Variants in ELMO1 observed in about 807,000 individuals in gnomAD.
ELMO1 encodes the protein engulfment and cell motility protein 1.
A neutral mutation model predicts 98.9 loss-of-function variants in ELMO1; 26 were observed. That is an observed-to-expected ratio of 0.26 (90% CI 0.19 to 0.36). The LOEUF (loss-of-function observed/expected upper bound fraction) is 0.36. Ranked by LOEUF, ELMO1 falls within the 10% of genes least tolerant of loss-of-function variation. The pLI, the probability that ELMO1 is intolerant of heterozygous loss-of-function variation, is 1.00. For synonymous variants in ELMO1, 346 were observed against 346.0 expected (o/e 1.00, Z 0.00); for missense variants, 627 against 935.2 (o/e 0.67, Z 4.30).
At chr7:37,324,616 C>A (rs1353234634) in intron 2 of ELMO1, among the ~76,000 whole-genome samples, 1 of 152,168 alleles carries the variant, frequency 6.6e-6, no homozygotes, top group East Asian at 1.9e-4. Context: ...GGGTCTCACT[C>A]CGTCACAAAG....
Position 37,361,582 on chromosome 7 carries a change from G to A in ELMO1, c.-73-18819C>T, listed in dbSNP as rs190079362. ...ACAGAAAATGTATACCAATCTCTAC[G>A]CTAAATAAAAGAAGTCAGTTATAAA... On this transcript the variant is annotated intron_variant, in intron 1 of 21. Transcript: ENST00000310758. 9.9e-5 allele frequency among the ~76,000 whole-genome samples: 15 copies of A among 152,220 alleles called. No homozygotes were observed. In the East Asian group the frequency reaches 1.4e-3, roughly 14 times the overall value.
At chr7:37,349,207 C>T (rs1272082283) in intron 1 of ELMO1, among the ~76,000 whole-genome samples, 1 of 152,176 alleles carries the variant, frequency 6.6e-6, no homozygotes, top group Non-Finnish European at 1.5e-5. Flanking sequence ...GTCCTCTGTC[C>T]CGCTAAGTCA....
At chr7:36,932,063 G>A (rs1229256393) in intron 16 of ELMO1, among the ~76,000 whole-genome samples, 2 of 150,462 alleles carry the variant, frequency 1.3e-5, no homozygotes, top group African/African-American at 4.9e-5. Context: ...GCTCTTTGGA[G>A]AGTTAACTTC....
chr7:37,041,982 T>A (rs1314894959), intron 15 of ELMO1, among the ~76,000 whole-genome samples: 1 of 152,088 alleles, frequency 6.6e-6, no homozygotes, highest in Admixed American at 6.5e-5. Flanking sequence ...GACAGCCCTA[T>A]TTTGTTAAAG....
intron 4 of ELMO1, among the ~76,000 whole-genome samples, chr7:37,306,176 T>C (rs1798605412): frequency 6.6e-6 from 1 of 152,234 alleles, no homozygotes; most frequent in African/African-American, 2.4e-5. Flanking sequence ...GCAAGGAGTA[T>C]GTCATTTCAT....
intron 1 of ELMO1, among the ~76,000 whole-genome samples, chr7:37,447,498 G>A (rs1017095862): frequency 1.3e-5 from 2 of 152,028 alleles, no homozygotes; most frequent in Non-Finnish European, 2.9e-5. Flanking sequence ...CCAAGCCTGA[G>A]GCTGGTCCTT....
At position 36,887,600 on chromosome 7, in the gene ELMO1, T is replaced by C. The variant is rs1454819469; in HGVS notation, c.1674A>G (p.Glu558=). The C allele has an allele frequency of 7.4e-6, 12 of 1,613,992 alleles. No homozygotes were observed. Among genetic ancestry groups the C allele is most frequent in the Non-Finnish European group, 8.5e-7 (1 of 1,179,956 alleles). Residue 558 remains glutamate, a synonymous_variant, in exon 18 of 22, where the codon GAA becomes GAG. Transcript: ENST00000310758. ...CATTGAGTTTCCTAAAGCAGGTCCC[T>C]TCCACAAGGCGGTTCAGGCGTTGCT... is the stretch of plus-strand genomic sequence containing the variant. The part of the protein sequence containing the change: ...IKQQRLNRLV[E]GTCFRKLNAR...
intron 8 of ELMO1, among the ~76,000 whole-genome samples, chr7:37,226,368 C>T (rs1027854635): frequency 6.6e-6 from 1 of 152,144 alleles, no homozygotes; most frequent in Non-Finnish European, 1.5e-5. Flanking sequence ...ACTTATTCCT[C>T]GCAGTCTGCT....
At chr7:37,074,536 C>T (rs965170182) in intron 15 of ELMO1, among the ~76,000 whole-genome samples, 1 of 152,162 alleles carries the variant, frequency 6.6e-6, no homozygotes, top group Non-Finnish European at 1.5e-5. Context: ...CCTGGGTTCC[C>T]AGGAGGGCGA....
At chr7:37,439,735 T>C (rs1732002) in intron 1 of ELMO1, among the ~76,000 whole-genome samples, 17,974 of 152,306 alleles carry the variant, frequency 0.12, 1,474 homozygotes, top group Non-Finnish European at 0.17. Context: ...CAAATGTTTC[T>C]CAAAAACCTT....
intron 6 of ELMO1, among the ~76,000 whole-genome samples, chr7:37,248,844 T>C (rs998592122): frequency 1.3e-5 from 2 of 152,258 alleles, no homozygotes; most frequent in Non-Finnish European, 2.9e-5. Context: ...TCAGAGGCAA[T>C]AGCATAAGTT....
chr7:37,375,497 G>A (rs998394090), intron 1 of ELMO1: 11 of 774,674 alleles, frequency 1.4e-5, no homozygotes, highest in Non-Finnish European at 2.0e-5. Flanking sequence ...TTCAAGCCCC[G>A]GCCCCGGACC....
At chr7:36,865,622 G>GT (rs1802981097) in intron 20 of ELMO1, among the ~76,000 whole-genome samples, 1 of 152,188 alleles carries the variant, frequency 6.6e-6, no homozygotes, top group Non-Finnish European at 1.5e-5. Context: ...CTTTTGGAAA[G>GT]TCTTCTCCTC....
chr7:37,116,012 T>C (rs1452814837), intron 14 of ELMO1, among the ~76,000 whole-genome samples: 1 of 152,210 alleles, frequency 6.6e-6, no homozygotes, highest in African/African-American at 2.4e-5. Flanking sequence ...CTCTGTACTT[T>C]TGCTCAACTT....
intron 2 of ELMO1, among the ~76,000 whole-genome samples, chr7:37,334,966 A>G (rs1195069899): frequency 6.6e-6 from 1 of 152,122 alleles, no homozygotes; most frequent in Non-Finnish European, 1.5e-5. Context: ...TCTTATCTTC[A>G]CTGTTCAGAA....
At chr7:37,121,880 A>G (rs1424247789) in intron 14 of ELMO1, among the ~76,000 whole-genome samples, 1 of 152,250 alleles carries the variant, frequency 6.6e-6, no homozygotes. Context: ...AAGGGCAGCC[A>G]GAGAGAAAGG....
chr7:36,926,487 G>C (rs146538394), intron 16 of ELMO1, among the ~76,000 whole-genome samples: 36 of 152,168 alleles, frequency 2.4e-4, no homozygotes, highest in African/African-American at 7.7e-4. Context: ...GAGTCCCATG[G>C]GAGAAGTGAC....
intron 16 of ELMO1, among the ~76,000 whole-genome samples, chr7:37,009,160 C>T (rs1281118716): frequency 6.6e-6 from 1 of 152,040 alleles, no homozygotes; most frequent in African/African-American, 2.4e-5. Context: ...TTATCCCGCT[C>T]AAAAATGAGG....
chr7:36,902,519 C>T (rs1329507540), intron 16 of ELMO1, among the ~76,000 whole-genome samples: 1 of 152,204 alleles, frequency 6.6e-6, no homozygotes, highest in Non-Finnish European at 1.5e-5. Context: ...GCTTACGGGG[C>T]ATCACATCAA....
Sources: gnomAD v4.1 joint callset for allele counts (sites outside exome capture counted in the v4.1 genomes callset) on GRCh38, gnomAD v4.1.1 for gene constraint, MANE v1.5 for transcripts, NCBI Gene and HGNC (gene_info 2026-07-23, HGNC 2026-07-21) for gene names.